Variants in SGSM1 observed in about 807,000 individuals in gnomAD.
The protein encoded by SGSM1 is small G protein signaling modulator 1, also known as RUN and TBC1 domain containing 2.
In SGSM1, 73 loss-of-function variants were observed where a neutral mutation model predicts 133.8. The ratio of observed to expected loss-of-function variants is 0.55; its 90% CI spans 0.45 to 0.66. The LOEUF (loss-of-function observed/expected upper bound fraction) is 0.66, where lower values mean the gene tolerates loss of function less well. Among genes scored for constraint, SGSM1 ranks in the 30% least tolerant of loss-of-function variants. SGSM1 has a pLI of 0.00. For missense variants in SGSM1, 1,213 were observed against 1,448.1 expected, an observed-to-expected ratio of 0.84 and a Z score of 2.64; for synonymous variants, 563 against 573.0, an observed-to-expected ratio of 0.98 and a Z score of 0.25.
At chr22:24,814,815 A>C (rs1436078277) in intron 2 of SGSM1, among the ~76,000 whole-genome samples, 1 of 152,174 alleles carries the variant, frequency 6.6e-6, no homozygotes, top group Non-Finnish European at 1.5e-5. Context: ...TTTAGTCAGA[A>C]GAGATATTTC....
rs138455520 is a variant in SGSM1 at position 24,876,098 on chromosome 22, G to A, written c.1292-479G>A. ...CTTTAGCCTCAGGACCATGGACAGC[G>A]CAGGTGCCCTCTTCCTCAGCAGGGG... On this transcript the variant is annotated intron_variant, in intron 12 of 24. Coordinates refer to ENST00000400358, the MANE Select transcript of SGSM1 (RefSeq NM_001098497.3). Among the ~76,000 whole-genome samples, 8 of 152,316 alleles carry A rather than the reference G, an allele frequency of 5.3e-5. No homozygotes were observed. In the East Asian group the frequency reaches 1.2e-3, roughly 22 times the overall value.
At chr22:24,885,016 C>T (rs1365089921) in intron 15 of SGSM1, among the ~76,000 whole-genome samples, 1 of 151,732 alleles carries the variant, frequency 6.6e-6, no homozygotes, top group East Asian at 1.9e-4. Flanking sequence ...ATGGCATGAT[C>T]TAGGCTCACT....
chr22:24,832,058 G>A (rs1216902299), intron 2 of SGSM1, among the ~76,000 whole-genome samples: 1 of 152,208 alleles, frequency 6.6e-6, no homozygotes, highest in African/African-American at 2.4e-5. Context: ...CTCAGCCCGT[G>A]GCTGTCTTGG....
At chr22:24,894,174 C>T (rs867797183) in intron 17 of SGSM1, among the ~76,000 whole-genome samples, 2 of 152,136 alleles carry the variant, frequency 1.3e-5, no homozygotes, top group African/African-American at 2.4e-5. Flanking sequence ...GAGGCCAAGG[C>T]GGGTGGATCA....
At chr22:24,844,831 G>A in intron 2 of SGSM1, 66 bp from the exon 3 acceptor site, 2 of 1,496,732 alleles carry the variant, frequency 1.3e-6, no homozygotes, top group Non-Finnish European at 1.8e-6. Flanking sequence ...CCCTTTTGGG[G>A]CACCTATACC....
At chr22:24,822,014 C>T (rs1007610997) in intron 2 of SGSM1, among the ~76,000 whole-genome samples, 4 of 151,896 alleles carry the variant, frequency 2.6e-5, no homozygotes, top group African/African-American at 4.8e-5. Context: ...GGCATGCATC[C>T]GCCATCACAG....
chr22:24,807,923 G>GTGT (rs1927507023), intron 2 of SGSM1, among the ~76,000 whole-genome samples: 1 of 151,954 alleles, frequency 6.6e-6, no homozygotes, highest in Non-Finnish European at 1.5e-5. Context: ...CTCTGTGTGT[G>GTGT]GCATGTCCTA....
At chr22:24,815,275 C>G (rs888353510) in intron 2 of SGSM1, among the ~76,000 whole-genome samples, 2 of 152,130 alleles carry the variant, frequency 1.3e-5, no homozygotes, top group Admixed American at 6.6e-5. Flanking sequence ...GGTGTGGGTC[C>G]TGCTGCTGGC....
chr22:24,905,723 A>T (rs1035678071), intron 21 of SGSM1, among the ~76,000 whole-genome samples: 7 of 150,196 alleles, frequency 4.7e-5, no homozygotes, highest in Non-Finnish European at 8.9e-5. Flanking sequence ...CGGGAGGTGG[A>T]GCTTGCAGTG....
At chr22:24,878,349 G>A (rs1186880507) in intron 13 of SGSM1, among the ~76,000 whole-genome samples, 1 of 152,310 alleles carries the variant, frequency 6.6e-6, no homozygotes, top group African/African-American at 2.4e-5. Context: ...GAGTGATGGA[G>A]AGCTCACTAC....
intron 2 of SGSM1, among the ~76,000 whole-genome samples, chr22:24,839,443 A>T (rs913924931): frequency 3.9e-5 from 6 of 152,146 alleles, no homozygotes; most frequent in Non-Finnish European, 7.4e-5. Flanking sequence ...TTTATCATAG[A>T]TATTGGTCTG....
chr22:24,807,116 C>G (rs1433700460), intron 2 of SGSM1, among the ~76,000 whole-genome samples: 1 of 152,102 alleles, frequency 6.6e-6, no homozygotes, highest in Non-Finnish European at 1.5e-5. Context: ...TCTGCCATTC[C>G]TCTGCCCCTC....
chr22:24,866,474 G>A (rs943613909), intron 9 of SGSM1, among the ~76,000 whole-genome samples: 11 of 152,188 alleles, frequency 7.2e-5, no homozygotes, highest in East Asian at 5.8e-4. Flanking sequence ...TAGAGAAAAC[G>A]AAATTCAAGC....
chr22:24,811,363 C>T (rs1184421576), intron 2 of SGSM1, among the ~76,000 whole-genome samples: 1 of 151,992 alleles, frequency 6.6e-6, no homozygotes, highest in Non-Finnish European at 1.5e-5. Flanking sequence ...TACGAATGTA[C>T]TGTTCTTGAA....
intron 2 of SGSM1, among the ~76,000 whole-genome samples, chr22:24,828,093 G>A (rs1928900506): frequency 6.6e-6 from 1 of 152,094 alleles, no homozygotes; most frequent in Admixed American, 6.5e-5. Context: ...CTAACTCCCA[G>A]TGTGGTATTT....
chr22:24,815,653 G>T (rs374283931), intron 2 of SGSM1, among the ~76,000 whole-genome samples: 5 of 152,248 alleles, frequency 3.3e-5, no homozygotes, highest in Non-Finnish European at 7.3e-5. Flanking sequence ...GCTGAGGTAG[G>T]AGAATGGCGT....
chr22:24,866,022 C>T (rs1400850351), intron 9 of SGSM1, among the ~76,000 whole-genome samples: 1 of 152,110 alleles, frequency 6.6e-6, no homozygotes, highest in African/African-American at 2.4e-5. Context: ...CCGCTCTGCT[C>T]CCCTCAGCAA....
chr22:24,922,980 T>G (rs1380635435), intron 24 of SGSM1, among the ~76,000 whole-genome samples: 2 of 152,068 alleles, frequency 1.3e-5, no homozygotes, highest in Non-Finnish European at 2.9e-5. Context: ...ATACAAAAAT[T>G]AGCCCAGCGT....
rs906506788 is a variant in SGSM1 at position 24,925,624 on chromosome 22, C to G, written c.*1350C>G. On this transcript the variant is annotated 3_prime_UTR_variant, in exon 25 of 25. Transcript: ENST00000400358. Reference sequence around the variant, plus strand: ...CTGCCATCTTGCAAGGGAAAACCGCCTCTCCTTCCAAGTATTGGGTCTTGG... The same window carrying G: ...CTGCCATCTTGCAAGGGAAAACCGCGTCTCCTTCCAAGTATTGGGTCTTGG... The G allele has an allele frequency of 2.0e-5, 3 of 152,282 alleles. No homozygotes were observed. In the South Asian group the frequency reaches 6.2e-4, roughly 32 times the overall value. 9.4% of individuals were successfully genotyped at this position (152,282 alleles called of 1,614,324 possible).
Sources: allele counts gnomAD v4.1 joint callset (sites outside exome capture counted in the v4.1 genomes callset), GRCh38; gene constraint gnomAD v4.1.1; transcripts MANE v1.5; gene names NCBI Gene and HGNC (gene_info 2026-07-23, HGNC 2026-07-21).